Variants in NTN5 observed in about 807,000 individuals in gnomAD.
NTN5 encodes netrin-5.
In NTN5, 42 loss-of-function variants were observed where a neutral mutation model predicts 38.7. The ratio of observed to expected loss-of-function variants is 1.08; its 90% CI spans 0.85 to 1.40. NTN5 has a LOEUF of 1.40. NTN5 is among the 40% of genes most tolerant of loss of function. NTN5 has a pLI of 0.00. For synonymous variants in NTN5, 329 were observed against 303.9 expected (o/e 1.08, Z -0.86); for missense variants, 658 against 716.5 (o/e 0.92, Z 0.93).
intron 3 of NTN5, 69 bp from the exon 4 acceptor site, chr19:48,664,361 C>A: frequency 6.5e-7 from 1 of 1,548,376 alleles, no homozygotes; most frequent in South Asian, 1.2e-5. Flanking sequence ...TTCCACAGTG[C>A]CTCCTCCCTC....
rs188488098 is a variant in NTN5, at chr19:48,663,542, G to T, written c.1026C>A (p.Asp342Glu). ...LATTPGAYSSDPQCQNYCNMS... is the reference protein window; with the variant it reads ...LATTPGAYSSEPQCQNYCNMS... ...TATTGCAGTAGTTTTGACACTGAGG[G>T]TCTGGGGAGGGTCAGGCTGTCTGCA... Residue 342 changes from aspartate (D) to glutamate (E), a missense_variant and splice_region_variant, in exon 6 of 7, where the codon GAC (aspartate) becomes GAA (glutamate). Asp to Glu is a conservative substitution (Grantham distance 45). Transcript: ENST00000270235. 5 of 1,614,118 alleles carry T rather than the reference G, an allele frequency of 3.1e-6. No homozygotes were observed. The Admixed American group carries it at 5.0e-5, about 16-fold the overall frequency.
intron 6 of NTN5, 66 bp downstream of exon 6, chr19:48,663,397 G>T: frequency 7.3e-7 from 1 of 1,367,846 alleles, no homozygotes; most frequent in Non-Finnish European, 1.0e-6. Context: ...CAGAAAGGGG[G>T]TGGCTTAGAA....
Position 48,661,533 on chromosome 19 carries a change from T to TGCTCG in NTN5, c.*139_*143dup, listed in dbSNP as rs2031537641. ...CCTTTTGCTAAAAGTTCCGCACGCCTGCTCGGCGTGGGCGCAAGCATAGTG... is the reference window on the plus strand; with the variant it reads ...CCTTTTGCTAAAAGTTCCGCACGCCTGCTCGGCTCGGCGTGGGCGCAAGCATAGTG... On this transcript the variant is annotated 3_prime_UTR_variant, in exon 7 of 7. Coordinates refer to ENST00000270235, the MANE Select transcript of NTN5 (RefSeq NM_145807.4). 9.6e-7 allele frequency: 1 copy of TGCTCG among 1,045,948 alleles called. No individual in the cohort carries two copies. The highest frequency in any genetic ancestry group is 1.7e-5 in the African/African-American group (1 of 59,532). 64.8% of individuals were successfully genotyped at this position (1,045,948 alleles called of 1,614,324 possible).
Position 48,664,141 on chromosome 19 carries a change from AC to A in NTN5, c.970+1del, listed in dbSNP as rs756165567. Reference sequence around the variant, plus strand: ...CTTGTGGCCTGGCCCCTCAAGACTTACGCTGGCAGGGCATCCTGGGGGAGCG... The same window carrying A: ...CTTGTGGCCTGGCCCCTCAAGACTTAGCTGGCAGGGCATCCTGGGGGAGCG... On this transcript the variant is annotated splice_donor_variant, in intron 4 of 6. Transcript: ENST00000270235. LOFTEE classifies it high-confidence loss of function. 1 of 1,603,608 alleles carries A rather than the reference AC, an allele frequency of 6.2e-7. No homozygotes were observed. The highest frequency in any genetic ancestry group is 8.5e-7 in the Non-Finnish European group (1 of 1,175,578).
intron 3 of NTN5, 76 bp downstream of exon 3, chr19:48,664,503 C>T (rs1488257833): frequency 4.8e-5 from 69 of 1,445,026 alleles, no homozygotes; most frequent in Non-Finnish European, 5.8e-5. Context: ...TCCAGGCCCC[C>T]AGCCCCTCCT....
intron 1 of NTN5, among the ~76,000 whole-genome samples, chr19:48,671,262 C>T (rs935812315): frequency 1.3e-5 from 2 of 151,990 alleles, no homozygotes; most frequent in Admixed American, 6.5e-5. Context: ...CCGTCAGTGT[C>T]GAGGGGCAGG....
chr19:48,672,851 A>G (rs2031996665), intron 1 of NTN5, 81 bp downstream of exon 1: 1 of 189,034 alleles, frequency 5.3e-6, no homozygotes, highest in Non-Finnish European at 1.1e-5. Context: ...CCTGGGGTCC[A>G]TCTGGGACCC....
intron 2 of NTN5, among the ~76,000 whole-genome samples, chr19:48,670,062 T>C (rs1184132234): frequency 7.1e-6 from 1 of 140,818 alleles, no homozygotes; most frequent in African/African-American, 2.6e-5. Flanking sequence ...ACCACCACCA[T>C]CACCACCATC....
intron 3 of NTN5, 96 bp from the exon 4 acceptor site, chr19:48,664,388 GC>G: frequency 6.8e-7 from 1 of 1,460,562 alleles, no homozygotes. Flanking sequence ...GGGAGTCCAG[GC>G]CCCCAGCCCC....
At chr19:48,669,685 TCAC>T (rs2031861845) in intron 2 of NTN5, among the ~76,000 whole-genome samples, 4 of 50,172 alleles carry the variant, frequency 8.0e-5, no homozygotes, top group Admixed American at 4.1e-4. Flanking sequence ...ATCACCACCA[TCAC>T]CACCACCATC....
At position 48,663,764 on chromosome 19, in the gene NTN5, A is replaced by C. The variant is rs372233229; in HGVS notation, c.1021T>G (p.Ser341Ala). Residue 341 changes from serine (S) to alanine (A), a missense_variant, in exon 5 of 7, where the codon TCT (serine) becomes GCT (alanine). Ser to Ala is a moderately conservative substitution (Grantham distance 99). Transcript: ENST00000270235. The stretch of plus-strand genomic sequence containing the variant: ...CCTCCGTGCCAGACTGTCTTACCAG[A>C]GCTATAAGCACCAGGAGTAGTGGCA... ...TLATTPGAYS[S>A]DPQCQNYCNM... is the part of the protein sequence containing the mutation. 3 of 1,613,914 alleles carry C rather than the reference A, an allele frequency of 1.9e-6. No homozygotes were observed. In the African/African-American group the frequency reaches 4.0e-5, roughly 22 times the overall value.
intron 2 of NTN5, among the ~76,000 whole-genome samples, chr19:48,669,324 T>C (rs866907277): frequency 2.4e-3 from 26 of 11,004 alleles, no homozygotes; most frequent in South Asian, 5.5e-3. Context: ...ACCACCACCA[T>C]CACCACCACC....
Position 48,661,914 on chromosome 19 carries a change from C to A in NTN5, c.1233G>T (p.Val411=). 1.5e-6 allele frequency: 2 copies of A among 1,360,874 alleles called. No homozygotes were observed. The highest frequency in any genetic ancestry group is 1.9e-6 in the Non-Finnish European group (2 of 1,060,288). The allele number at this position is 1,360,874 out of a possible 1,614,324, so 84.3% of individuals were successfully genotyped here. The change falls in exon 7 of 7, where the codon GTG becomes GTT. Residue 411 remains valine (V), a synonymous_variant. Transcript: ENST00000270235. Reference sequence around the variant, plus strand: ...AGCCGCAGGTCAGGTCGGCGCGGGGCACCCAGGCGTCCTGGTCGCCGCGTC... The same window carrying A: ...AGCCGCAGGTCAGGTCGGCGCGGGGAACCCAGGCGTCCTGGTCGCCGCGTC... ...PVRRGDQDAW[V]PRADLTCGCL...
At chr19:48,664,976 G>A (rs867053037) in intron 2 of NTN5, among the ~76,000 whole-genome samples, 1 of 151,648 alleles carries the variant, frequency 6.6e-6, no homozygotes, top group Admixed American at 6.6e-5. Context: ...GCAGTGGCGC[G>A]ACCTCAGCTC....
intron 2 of NTN5, 77 bp from the exon 3 acceptor site, chr19:48,664,844 C>T: frequency 1.5e-6 from 2 of 1,300,896 alleles, no homozygotes; most frequent in Non-Finnish European, 2.0e-6. Context: ...TCCCATGGCC[C>T]TGCCCTCATG....
At chr19:48,665,833 C>A (rs535887573) in intron 2 of NTN5, among the ~76,000 whole-genome samples, 1,880 of 151,090 alleles carry the variant, frequency 0.012, 49 homozygotes, top group African/African-American at 0.043. Context: ...AAAAAAAAAA[C>A]AAAAAGAGTG....
intron 1 of NTN5, 46 bp from the exon 2 acceptor site, chr19:48,671,052 T>A: frequency 7.2e-7 from 1 of 1,397,964 alleles, no homozygotes; most frequent in South Asian, 1.5e-5. Context: ...AGCCGCAGCC[T>A]CTACCCCTCC....
chr19:48,669,417 CCATCACCACCAT>C (rs2031827973), intron 2 of NTN5, among the ~76,000 whole-genome samples: 1 of 33,992 alleles, frequency 2.9e-5, no homozygotes, highest in East Asian at 9.7e-4. Context: ...ATCACCACCA[CCATCACCACCAT>C]CACCACCACC....
At chr19:48,663,221 G>T (rs1246569069) in intron 6 of NTN5, 1 of 635,304 alleles carries the variant, frequency 1.6e-6, no homozygotes, top group Admixed American at 2.1e-5. Flanking sequence ...AGGAGATGAT[G>T]AAACTCTGTA....
Sources: allele counts gnomAD v4.1 joint callset (sites outside exome capture counted in the v4.1 genomes callset), GRCh38; gene constraint gnomAD v4.1.1; transcripts MANE v1.5; gene names NCBI Gene and HGNC (gene_info 2026-07-23, HGNC 2026-07-21).